EDAR: variants seen among roughly 807,000 people sequenced by gnomAD.
The protein encoded by EDAR is ectodysplasin A receptor.
In EDAR, 38 loss-of-function variants were observed where a neutral mutation model predicts 51.3. The observed-to-expected ratio is 0.74, with a 90% CI of 0.57 to 0.97. EDAR has a LOEUF of 0.97. EDAR is among the 50% of genes least tolerant of loss of function. The pLI is 0.00. For synonymous variants in EDAR, 227 were observed against 242.1 expected, an observed-to-expected ratio of 0.94 and a Z score of 0.58; for missense variants, 528 against 595.0, an observed-to-expected ratio of 0.89 and a Z score of 1.17.
rs539280052 is a variant in EDAR, at chr2:108,973,939, TCA to T, written c.-19+15019_-19+15020del. Among the ~76,000 whole-genome samples the T allele has an allele frequency of 4.4e-4, 67 of 152,310 alleles. 1 individual carries two copies. The highest frequency in any genetic ancestry group is 3.9e-3 in the Admixed American group (60 of 15,304). On this transcript the variant is annotated intron_variant, in intron 1 of 11. Transcript: ENST00000258443. The stretch of plus-strand genomic sequence containing the variant: ...TAAACCAATTACGGAGCTGTAAGCA[TCA>T]CCTTTGTTCACAAAAGGCTCAACAA...
chr2:108,908,000 C>G lies in EDAR; in HGVS notation c.823G>C (p.Glu275Gln), dbSNP rs1264751998. The change falls in exon 10 of 12, where the codon GAG becomes CAG. Residue 275 changes from glutamate to glutamine, a missense_variant. Physicochemically the swap from Glu to Gln is conservative, Grantham distance 29 (BLOSUM62 2). Coordinates refer to ENST00000258443, the MANE Select transcript of EDAR (RefSeq NM_022336.4). ...CTCCGGCTCAGCAGCTGCTCATTCT[C>G]GGATGAGGCATCGTTCTCGCTGCAA... ...PTKSENDASS[E>Q]NEQLLSRSVD... 6.2e-7 allele frequency: 1 copy of G among 1,610,012 alleles called. No individual in the cohort carries two copies. The highest frequency in any genetic ancestry group is 2.2e-5 in the East Asian group (1 of 44,754).
At chr2:108,953,412 T>G (rs547857935) in intron 1 of EDAR, among the ~76,000 whole-genome samples, 1 of 152,126 alleles carries the variant, frequency 6.6e-6, no homozygotes, top group African/African-American at 2.4e-5. Context: ...ATCTCTAAAC[T>G]CTGCCTCTTC....
intron 5 of EDAR, among the ~76,000 whole-genome samples, chr2:108,914,206 G>A (rs1696985570): frequency 6.6e-6 from 1 of 151,222 alleles, no homozygotes; most frequent in African/African-American, 2.4e-5. Context: ...GTTGCAGTGA[G>A]CCGAGATCAC....
intron 1 of EDAR, among the ~76,000 whole-genome samples, chr2:108,970,515 G>A: frequency 6.6e-6 from 1 of 152,076 alleles, no homozygotes; most frequent in Admixed American, 6.5e-5. Flanking sequence ...CTGGGAGCTG[G>A]GGCCTCTGGA....
chr2:108,906,208 C>G, intron 11 of EDAR, 100 bp downstream of exon 11: 1 of 1,269,698 alleles, frequency 7.9e-7, no homozygotes, highest in Non-Finnish European at 1.2e-6. Context: ...GGATGGGCGG[C>G]TTCCCTCAGT....
rs112459979 is a variant in EDAR at position 108,916,585 on chromosome 2, G to A, written c.443-3821C>T. Among the ~76,000 whole-genome samples the A allele has an allele frequency of 5.7e-3, 869 of 152,302 alleles. 10 individuals carry two copies. Among genetic ancestry groups the A allele is most frequent in the African/African-American group, 0.02 (831 of 41,558 alleles). ...TGGTTCCCTCCAAACACCTCCAGCT[G>A]GCACCAACTAAACGGTCCCCAACTG... On this transcript the variant is annotated intron_variant, in intron 5 of 11. Coordinates refer to ENST00000258443, the MANE Select transcript of EDAR (RefSeq NM_022336.4).
chr2:108,932,179 C>G (rs1312926733), intron 1 of EDAR, among the ~76,000 whole-genome samples: 1 of 152,082 alleles, frequency 6.6e-6, no homozygotes, highest in Non-Finnish European at 1.5e-5. Context: ...TTGGAAAAGT[C>G]CTGCAACAGC....
chr2:108,971,980 C>T (rs560595913), intron 1 of EDAR, among the ~76,000 whole-genome samples: 22 of 152,286 alleles, frequency 1.4e-4, no homozygotes, highest in African/African-American at 4.1e-4. Context: ...TCCCGTGGCC[C>T]GGAGCTGAGG....
chr2:108,914,852 C>A (rs1309575028), intron 5 of EDAR, among the ~76,000 whole-genome samples: 2 of 152,208 alleles, frequency 1.3e-5, no homozygotes, highest in African/African-American at 2.4e-5. Flanking sequence ...AATGGCCCAG[C>A]ACTGTGCCTG....
At chr2:108,924,657 C>G (rs545533748) in intron 4 of EDAR, among the ~76,000 whole-genome samples, 1 of 152,280 alleles carries the variant, frequency 6.6e-6, no homozygotes, top group South Asian at 2.1e-4. Flanking sequence ...GGACTGTTAC[C>G]AGTAATGTTA....
At position 108,979,457 on chromosome 2, in the gene EDAR, T is replaced by TCTCC. The variant is rs1356495997; in HGVS notation, c.-19+9502_-19+9503insGGAG. Among the ~76,000 whole-genome samples, 9 of 140,086 alleles carry TCTCC rather than the reference T, an allele frequency of 6.4e-5. No individual in the cohort carries two copies. In the South Asian group the frequency reaches 1.6e-3, roughly 25 times the overall value. 91.9% of individuals were successfully genotyped at this position (140,086 alleles called of 152,430 possible). On this transcript the variant is annotated intron_variant, in intron 1 of 11. Transcript: ENST00000258443. ...CTCTTTCTCTCTCTCTGTCTCTGTCTCTCTCTCTCTCACACACACACACAC... is the reference window on the plus strand; with the variant it reads ...CTCTTTCTCTCTCTCTGTCTCTGTCTCTCCCTCTCTCTCTCACACACACACACAC...
intron 1 of EDAR, among the ~76,000 whole-genome samples, chr2:108,943,828 G>A (rs966082581): frequency 6.6e-6 from 1 of 152,198 alleles, no homozygotes; most frequent in African/African-American, 2.4e-5. Context: ...CAGAGGGCTG[G>A]ATGCCAGCCC....
rs1558791931 is a variant in EDAR at position 108,895,171 on chromosome 2, T to C, written c.*1736A>G. The C allele has an allele frequency of 6.6e-6, 1 of 152,620 alleles. No individual in the cohort carries two copies. The highest frequency in any genetic ancestry group is 2.4e-5 in the African/African-American group (1 of 41,446). 9.5% of individuals were successfully genotyped at this position (152,620 alleles called of 1,614,324 possible). The stretch of plus-strand genomic sequence containing the variant: ...CAAACAGACACAGTAAATGATGATA[T>C]TAAATATTCAGGACCTCATTATGAT... On this transcript the variant is annotated 3_prime_UTR_variant, in exon 12 of 12. Coordinates refer to ENST00000258443, the MANE Select transcript of EDAR (RefSeq NM_022336.4).
chr2:108,963,039 TG>T (rs1698083114), intron 1 of EDAR, among the ~76,000 whole-genome samples: 1 of 152,194 alleles, frequency 6.6e-6, no homozygotes, highest in Non-Finnish European at 1.5e-5. Flanking sequence ...GAACAAAATC[TG>T]GTGGCTCTGC....
chr2:108,968,745 G>A (rs115730255), intron 1 of EDAR, among the ~76,000 whole-genome samples: 7,044 of 152,268 alleles, frequency 0.046, 227 homozygotes, highest in Non-Finnish European at 0.071. Flanking sequence ...AAAAGCCATC[G>A]AACACTAGGA....
Position 108,940,712 on chromosome 2 carries a change from C to T in EDAR, c.-18-9680G>A, listed in dbSNP as rs117777073. ...TACAACACGTCACACCACGCGATGA[C>T]GTGGGTCTGAACGGGGCAGGCTTCC... is the stretch of plus-strand genomic sequence containing the variant. On this transcript the variant is annotated intron_variant, in intron 1 of 11. Coordinates refer to ENST00000258443, the MANE Select transcript of EDAR (RefSeq NM_022336.4). Among the ~76,000 whole-genome samples, 1,209 of 152,350 alleles carry T rather than the reference C, an allele frequency of 7.9e-3. 10 individuals are homozygous for T. The highest frequency in any genetic ancestry group is 0.03 in the South Asian group (143 of 4,832).
intron 11 of EDAR, 51 bp from the exon 12 acceptor site, chr2:108,897,280 A>C: frequency 6.7e-7 from 1 of 1,500,024 alleles, no homozygotes; most frequent in Non-Finnish European, 9.2e-7. Flanking sequence ...AGTCAATAGA[A>C]GGTCAACACT....
chr2:108,973,317 G>A (rs61686486), intron 1 of EDAR, among the ~76,000 whole-genome samples: 1 of 152,088 alleles, frequency 6.6e-6, no homozygotes. Context: ...CCGCCTCCCT[G>A]CAAGTTGTGA....
In EDAR at chr2:108,930,999, C is replaced by T; in HGVS notation, c.16G>A (p.Asp6Asn). Reference protein sequence around the residue: MAHVGDCTQTPWLPVL... With the variant: MAHVGNCTQTPWLPVL... ...GGGAGCCAGGGCGTCTGCGTGCAGT[C>T]CCCCACATGGGCCATCCTCTCCCAA... is the stretch of plus-strand genomic sequence containing the variant. Residue 6 changes from aspartate (D) to asparagine (N), a missense_variant, in exon 2 of 12, where the codon GAC becomes AAC. By Grantham distance (23) the Asp-to-Asn change is conservative. Coordinates refer to ENST00000258443, the MANE Select transcript of EDAR (RefSeq NM_022336.4). 1 of 1,613,978 alleles carries T rather than the reference C, an allele frequency of 6.2e-7. No individual in the cohort carries two copies. Among genetic ancestry groups the T allele is most frequent in the Non-Finnish European group, 8.5e-7 (1 of 1,180,034 alleles).
Sources: allele counts gnomAD v4.1 joint callset (sites outside exome capture counted in the v4.1 genomes callset), GRCh38; gene constraint gnomAD v4.1.1; transcripts MANE v1.5; gene names NCBI Gene and HGNC (gene_info 2026-07-23, HGNC 2026-07-21).